PDE10A: variants seen among roughly 807,000 people sequenced by gnomAD.
PDE10A encodes the protein phosphodiesterase 10A.
A neutral mutation model predicts 97.7 loss-of-function variants in PDE10A; 39 were observed. The observed-to-expected ratio is 0.40, with a 90% confidence interval of 0.31 to 0.52. The LOEUF is 0.52. Among genes scored for constraint, PDE10A ranks in the 20% least tolerant of loss-of-function variants. PDE10A has a pLI of 0.56. For missense variants in PDE10A, 731 were observed against 1,047.8 expected (o/e 0.70, Z 4.17); for synonymous variants, 371 against 376.8 (o/e 0.98, Z 0.18).
At chr6:165,958,910 C>T (rs1016780478) in intron 1 of PDE10A, among the ~76,000 whole-genome samples, 1 of 152,138 alleles carries the variant, frequency 6.6e-6, no homozygotes, top group African/African-American at 2.4e-5. Context: ...ATGGAAGCTG[C>T]TGTGTTAGCT....
intron 1 of PDE10A, among the ~76,000 whole-genome samples, chr6:165,629,694 C>T (rs1245684739): frequency 6.6e-6 from 1 of 151,862 alleles, no homozygotes; most frequent in Admixed American, 6.6e-5. Context: ...CCACCACACC[C>T]GGCTAATTTT....
chr6:165,928,346 C>T (rs936223969), intron 1 of PDE10A, among the ~76,000 whole-genome samples: 2 of 152,124 alleles, frequency 1.3e-5, no homozygotes, highest in Admixed American at 6.5e-5. Flanking sequence ...AAAGGGGGTT[C>T]GTGAAACCCA....
chr6:165,751,032 A>T (rs1476209186), intron 1 of PDE10A, among the ~76,000 whole-genome samples: 2 of 152,176 alleles, frequency 1.3e-5, no homozygotes, highest in Non-Finnish European at 2.9e-5. Context: ...AGAACACAGC[A>T]GGAGCTCATG....
chr6:165,568,910 A>G (rs539930067), intron 1 of PDE10A, among the ~76,000 whole-genome samples: 31 of 152,352 alleles, frequency 2.0e-4, no homozygotes, highest in African/African-American at 6.7e-4. Flanking sequence ...GGAAAATCAC[A>G]AAGTTTATAC....
intron 1 of PDE10A, among the ~76,000 whole-genome samples, chr6:165,974,177 C>A (rs1784780585): frequency 6.6e-6 from 1 of 152,180 alleles, no homozygotes; most frequent in Non-Finnish European, 1.5e-5. Flanking sequence ...CCTCTTTCAT[C>A]CATACATTTT....
At chr6:165,762,034 CT>C (rs902615056) in intron 1 of PDE10A, among the ~76,000 whole-genome samples, 1 of 152,184 alleles carries the variant, frequency 6.6e-6, no homozygotes, top group African/African-American at 2.4e-5. Flanking sequence ...ATATGAGTTC[CT>C]TTCTCAGAAA....
intron 1 of PDE10A, among the ~76,000 whole-genome samples, chr6:165,827,041 G>C (rs1181580400): frequency 1.3e-5 from 2 of 152,132 alleles, no homozygotes; most frequent in Non-Finnish European, 2.9e-5. Context: ...GCACAGCCTC[G>C]GTTGTCCCCT....
intron 1 of PDE10A, among the ~76,000 whole-genome samples, chr6:165,824,722 C>T (rs1779675430): frequency 6.6e-6 from 1 of 152,128 alleles, no homozygotes; most frequent in Non-Finnish European, 1.5e-5. Flanking sequence ...TCGGCAGCTT[C>T]ATGTCATGTT....
chr6:165,379,426 A>AT (rs1317809343), intron 17 of PDE10A, 60 bp from the exon 18 acceptor site: 4 of 1,318,320 alleles, frequency 3.0e-6, no homozygotes, highest in Non-Finnish European at 4.2e-6. Flanking sequence ...ATCTTATGAC[A>AT]TTTTTAGTTA....
chr6:165,814,528 C>T (rs1434971786), intron 1 of PDE10A, among the ~76,000 whole-genome samples: 1 of 152,058 alleles, frequency 6.6e-6, no homozygotes, highest in Admixed American at 6.6e-5. Flanking sequence ...ATTTCACGGC[C>T]ATTTCCCCCA....
intron 1 of PDE10A, among the ~76,000 whole-genome samples, chr6:165,950,731 G>A (rs1270588472): frequency 7.4e-6 from 1 of 135,682 alleles, no homozygotes; most frequent in South Asian, 2.7e-4. Context: ...GCCGTCTTCA[G>A]CTGAGCCTTG....
intron 18 of PDE10A, among the ~76,000 whole-genome samples, chr6:165,346,934 G>A (rs770207712): frequency 2.0e-5 from 3 of 152,040 alleles, no homozygotes; most frequent in South Asian, 2.1e-4. Flanking sequence ...GTTATCAAGC[G>A]GTTAACTAAA....
rs1295659388 is a variant in PDE10A at position 165,662,743 on chromosome 6, C to G, written c.69G>C (p.Pro23=). 6.8e-6 allele frequency among the ~76,000 whole-genome samples: 1 copy of G among 147,774 alleles called. No individual in the cohort carries two copies. The highest frequency in any genetic ancestry group is 1.5e-5 in the Non-Finnish European group (1 of 66,478). The change falls in exon 1 of 22, where the codon CCG becomes CCC. Residue 23 remains proline, a synonymous_variant. Transcript: ENST00000539869. ...QGPLPAAGDE[P]GCGPGKLRPE... Reference sequence around the variant, plus strand: ...GGCGGAGTTTGCCGGGGCCGCAGCCCGGCTCGTCCCCGGCCGCTGGCAGGG... The same window carrying G: ...GGCGGAGTTTGCCGGGGCCGCAGCCGGGCTCGTCCCCGGCCGCTGGCAGGG...
intron 1 of PDE10A, among the ~76,000 whole-genome samples, chr6:165,922,700 C>G (rs1782790345): frequency 1.3e-5 from 2 of 152,136 alleles, no homozygotes; most frequent in African/African-American, 4.8e-5. Flanking sequence ...CAGACCACTC[C>G]CATGAGCTCC....
chr6:165,355,036 T>C lies in PDE10A; in HGVS notation c.2784-11534A>G, dbSNP rs535611751. ...GGATTGCTTCCATGAGCTTATCAAT[T>C]CCTAATCACCTCACAGTGAGATAAG... On this transcript the variant is annotated intron_variant, in intron 18 of 21. Transcript: ENST00000539869. 3.3e-5 allele frequency among the ~76,000 whole-genome samples: 5 copies of C among 152,320 alleles called. 1 individual carries two copies. Among genetic ancestry groups the C allele is most frequent in the African/African-American group, 1.2e-4 (5 of 41,582 alleles).
intron 1 of PDE10A, among the ~76,000 whole-genome samples, chr6:165,973,332 G>C (rs147038501): frequency 0.017 from 2,618 of 151,948 alleles, 75 homozygotes; most frequent in African/African-American, 0.059. Context: ...AGAACCACTT[G>C]AACCCGGGAG....
At chr6:165,919,329 G>A (rs1486202650) in intron 1 of PDE10A, among the ~76,000 whole-genome samples, 1 of 152,154 alleles carries the variant, frequency 6.6e-6, no homozygotes, top group Non-Finnish European at 1.5e-5. Context: ...GGGTATGAAG[G>A]CACTACATGC....
intron 1 of PDE10A, among the ~76,000 whole-genome samples, chr6:165,747,406 G>A (rs1263960949): frequency 6.6e-6 from 1 of 152,096 alleles, no homozygotes; most frequent in Non-Finnish European, 1.5e-5. Context: ...TGTTCAAAAT[G>A]CCTTGCTCAC....
intron 1 of PDE10A, among the ~76,000 whole-genome samples, chr6:165,599,541 G>T (rs191594321): frequency 2.0e-4 from 30 of 152,222 alleles, no homozygotes; most frequent in Admixed American, 1.9e-3. Context: ...ACTTAACCCA[G>T]GACAATTAGG....
Sources: gnomAD v4.1 joint callset for allele counts (sites outside exome capture counted in the v4.1 genomes callset) on GRCh38, gnomAD v4.1.1 for gene constraint, MANE v1.5 for transcripts, NCBI Gene and HGNC (gene_info 2026-07-23, HGNC 2026-07-21) for gene names.